PRDM5: variants seen among roughly 807,000 people sequenced by gnomAD.
PRDM5 encodes PR/SET domain 5.
In PRDM5, 56 loss-of-function variants were observed where a neutral mutation model predicts 81.2. That is an observed-to-expected ratio of 0.69 (90% confidence interval 0.56 to 0.86). PRDM5 has a LOEUF of 0.86. PRDM5 is among the 40% of genes least tolerant of loss of function. PRDM5 has a pLI of 0.00. For synonymous variants in PRDM5, 267 were observed against 256.4 expected, an observed-to-expected ratio of 1.04 and a Z score of -0.39; for missense variants, 697 against 770.1, an observed-to-expected ratio of 0.91 and a Z score of 1.12.
chr4:120,695,377 T>C, intron 15 of PRDM5, 102 bp from the exon 16 acceptor site: 1 of 1,300,086 alleles, frequency 7.7e-7, no homozygotes, highest in Non-Finnish European at 1.1e-6. Context: ...AATAAGTTAC[T>C]GCATTTAATC....
At chr4:120,764,615 C>G (rs1406978274) in intron 13 of PRDM5, among the ~76,000 whole-genome samples, 1 of 151,896 alleles carries the variant, frequency 6.6e-6, no homozygotes, top group African/African-American at 2.4e-5. Context: ...AGGGTACATT[C>G]CATTGATGTG....
chr4:120,784,083 CA>C (rs1749422355), intron 11 of PRDM5, among the ~76,000 whole-genome samples: 1 of 151,992 alleles, frequency 6.6e-6, no homozygotes, highest in Non-Finnish European at 1.5e-5. Context: ...CCATGGTACA[CA>C]ATTTTTCCAT....
At chr4:120,832,311 G>A (rs1456850311) in intron 3 of PRDM5, among the ~76,000 whole-genome samples, 1 of 151,968 alleles carries the variant, frequency 6.6e-6, no homozygotes, top group Non-Finnish European at 1.5e-5. Context: ...AATCACGTGA[G>A]AACTAAATCA....
intron 14 of PRDM5, among the ~76,000 whole-genome samples, chr4:120,715,929 T>C (rs1037232668): frequency 3.9e-5 from 6 of 152,168 alleles, no homozygotes; most frequent in African/African-American, 1.4e-4. Flanking sequence ...CTTTTACTCC[T>C]TCCCAAATTT....
chr4:120,854,685 T>C (rs1174305050), intron 2 of PRDM5, among the ~76,000 whole-genome samples: 5 of 151,886 alleles, frequency 3.3e-5, no homozygotes, highest in Non-Finnish European at 7.4e-5. Flanking sequence ...ATGTAGAATA[T>C]AATTTCGTGT....
In PRDM5 at chr4:120,821,378, C is replaced by T. The variant is rs773127390; in HGVS notation, c.301-33G>A. 4.5e-6 allele frequency: 7 copies of T among 1,569,974 alleles called. No individual in the cohort carries two copies. In the African/African-American group the frequency reaches 6.8e-5, roughly 15 times the overall value. On this transcript the variant is annotated intron_variant, in intron 3 of 15. Coordinates refer to ENST00000264808, the MANE Select transcript of PRDM5 (RefSeq NM_018699.4). ...AAATTTTTTTAAATGCTGAACCATT[C>T]ATTTGTTTCTGATAGTAATTAAGAA... is the stretch of plus-strand genomic sequence containing the variant.
At chr4:120,867,127 T>TGCTTG (rs1761264730) in intron 2 of PRDM5, among the ~76,000 whole-genome samples, 1 of 152,122 alleles carries the variant, frequency 6.6e-6, no homozygotes, top group Admixed American at 6.6e-5. Context: ...GCCAGCAACC[T>TGCTTG]GAATGAGCTT....
intron 13 of PRDM5, among the ~76,000 whole-genome samples, chr4:120,763,089 A>C (rs990683651): frequency 6.6e-6 from 1 of 152,140 alleles, no homozygotes; most frequent in Non-Finnish European, 1.5e-5. Flanking sequence ...ACGATGCTTT[A>C]TTTTCCTTAA....
At chr4:120,807,342 T>C (rs1331606600) in intron 8 of PRDM5, among the ~76,000 whole-genome samples, 2 of 152,110 alleles carry the variant, frequency 1.3e-5, no homozygotes, top group Non-Finnish European at 2.9e-5. Context: ...CAGCCATATA[T>C]GGGTATATAC....
chr4:120,894,245 C>A (rs1230569725), intron 2 of PRDM5, among the ~76,000 whole-genome samples: 1 of 152,132 alleles, frequency 6.6e-6, no homozygotes, highest in Non-Finnish European at 1.5e-5. Context: ...TTACTAGAAA[C>A]CCGCAATGCT....
At chr4:120,859,366 C>T (rs1270163644) in intron 2 of PRDM5, among the ~76,000 whole-genome samples, 1 of 151,866 alleles carries the variant, frequency 6.6e-6, no homozygotes, top group African/African-American at 2.4e-5. Flanking sequence ...ACTACAGGTG[C>T]ATGTCACCTT....
chr4:120,904,202 A>AAC (rs1765530632), intron 2 of PRDM5, among the ~76,000 whole-genome samples: 1 of 142,530 alleles, frequency 7.0e-6, no homozygotes, highest in Non-Finnish European at 1.5e-5. Context: ...AAAAAAAAAA[A>AAC]AAACAAAAAA....
chr4:120,880,161 T>C (rs1027903671), intron 2 of PRDM5, among the ~76,000 whole-genome samples: 3 of 152,180 alleles, frequency 2.0e-5, no homozygotes, highest in Non-Finnish European at 4.4e-5. Context: ...AATTTTTCTG[T>C]TAATATACTT....
At chr4:120,855,618 T>C (rs1349010413) in intron 2 of PRDM5, among the ~76,000 whole-genome samples, 1 of 152,216 alleles carries the variant, frequency 6.6e-6, no homozygotes, top group Admixed American at 6.5e-5. Context: ...AGTAAACAAA[T>C]AATTTTAAAT....
At chr4:120,872,171 A>AAAAAAAAAAAAAAC (rs1761897602) in intron 2 of PRDM5, among the ~76,000 whole-genome samples, 4 of 149,408 alleles carry the variant, frequency 2.7e-5, no homozygotes, top group Admixed American at 1.3e-4. Flanking sequence ...AAAAAAAAAA[A>AAAAAAAAAAAAAAC]AAACCTGTAC....
At chr4:120,809,093 C>G (rs548434661) in intron 8 of PRDM5, among the ~76,000 whole-genome samples, 8 of 152,186 alleles carry the variant, frequency 5.3e-5, no homozygotes, top group Non-Finnish European at 8.8e-5. Context: ...CAAGATGGAG[C>G]GAAGGCTGCG....
At position 120,872,150 on chromosome 4, in the gene PRDM5, C is replaced by CAAAAAAAAAAAAAAAA. The variant is rs70948365; in HGVS notation, c.178-18626_178-18611dup. Among the ~76,000 whole-genome samples, 67 of 41,836 alleles carry CAAAAAAAAAAAAAAAA rather than the reference C, an allele frequency of 1.6e-3. 7 individuals carry two copies. Among genetic ancestry groups the CAAAAAAAAAAAAAAAA allele is most frequent in the African/African-American group, 5.1e-3 (43 of 8,370 alleles). The allele number at this position is 41,836 out of a possible 152,430, so 27.4% of individuals were successfully genotyped here. A position where few individuals can be genotyped will look rare whatever the true frequency, so the allele number is the denominator to read the frequency against. ...TGGGCGACAGAGCAAGACTCCATCT[C>CAAAAAAAAAAAAAAAA]AAAAAAAAAAAAAAAAAAAAAAAAC... On this transcript the variant is annotated intron_variant, in intron 2 of 15. Coordinates refer to ENST00000264808, the MANE Select transcript of PRDM5 (RefSeq NM_018699.4).
intron 13 of PRDM5, among the ~76,000 whole-genome samples, chr4:120,773,357 C>T (rs1474398872): frequency 3.9e-5 from 6 of 152,100 alleles, no homozygotes; most frequent in Admixed American, 3.3e-4. Flanking sequence ...ATTTAGAATG[C>T]TCCCAAGTGC....
At chr4:120,808,958 T>G (rs1181703442) in intron 8 of PRDM5, among the ~76,000 whole-genome samples, 1 of 152,028 alleles carries the variant, frequency 6.6e-6, no homozygotes, top group African/African-American at 2.4e-5. Context: ...CCTCCACACC[T>G]CCTGGCAAGC....
Sources: allele counts gnomAD v4.1 joint callset (sites outside exome capture counted in the v4.1 genomes callset), GRCh38; gene constraint gnomAD v4.1.1; transcripts MANE v1.5; gene names NCBI Gene and HGNC (gene_info 2026-07-23, HGNC 2026-07-21).